The following GALNT9 variants were observed in gnomAD, a reference collection of about 807,000 sequenced individuals.
GALNT9 encodes GalNAc transferase 9.
In GALNT9, 47 loss-of-function variants were observed where a neutral mutation model predicts 63.1. The observed-to-expected ratio is 0.75, with a 90% CI of 0.59 to 0.95. The LOEUF is 0.95. GALNT9 is among the 40% of genes least tolerant of loss of function. The pLI, the probability that GALNT9 is intolerant of heterozygous loss-of-function variation, is 0.00. For missense variants in GALNT9, 829 were observed against 874.8 expected (o/e 0.95, Z 0.66); for synonymous variants, 396 against 365.7 (o/e 1.08, Z -0.94).
In GALNT9 at chr12:132,252,881, CA is replaced by C. The variant is rs1197193292; in HGVS notation, c.959+4807del. Among the ~76,000 whole-genome samples, 1,594 of 128,278 alleles carry C rather than the reference CA, an allele frequency of 0.012. 19 individuals are homozygous for C. Among genetic ancestry groups the C allele is most frequent in the African/African-American group, 0.037 (1,286 of 34,784 alleles). 84.2% of individuals were successfully genotyped at this position (128,278 alleles called of 152,430 possible). A position where few individuals can be genotyped will look rare whatever the true frequency, so the allele number is the denominator to read the frequency against. ...CTGGGCAACAACAGCGAAACTGCCT[CA>C]AAAAAAAAAAAAGACACGGAGACCA... is the stretch of plus-strand genomic sequence containing the variant. On this transcript the variant is annotated intron_variant, in intron 5 of 10. Transcript: ENST00000328957. The surrounding 1 kb of genome is among the most constrained non-coding windows in gnomAD (Gnocchi z 5.2).
chr12:132,207,237 C>G (rs1227412873), intron 6 of GALNT9, among the ~76,000 whole-genome samples: 7 of 152,210 alleles, frequency 4.6e-5, no homozygotes, highest in African/African-American at 1.7e-4. Context: ...CTCTGCCTGT[C>G]CCTCCCCATG....
chr12:132,305,136 C>A (rs1555244497), intron 1 of GALNT9, among the ~76,000 whole-genome samples: 1 of 72,762 alleles, frequency 1.4e-5, no homozygotes, highest in Non-Finnish European at 2.5e-5. Context: ...CGGGCACAGC[C>A]TCGCCCGGGC....
chr12:132,303,413 C>T (rs1431877933), intron 1 of GALNT9, among the ~76,000 whole-genome samples: 1 of 146,496 alleles, frequency 6.8e-6, no homozygotes, highest in Non-Finnish European at 1.5e-5. Context: ...ACACCCTCAC[C>T]CGGGCACAGC....
At chr12:132,262,795 T>C (rs917339876) in intron 2 of GALNT9, among the ~76,000 whole-genome samples, 170 bp from the exon 3 acceptor site, 5 of 150,720 alleles carry the variant, frequency 3.3e-5, no homozygotes, top group Non-Finnish European at 7.4e-5. Context: ...GGAGACACGG[T>C]TTGGGGTGTG....
intron 1 of GALNT9, among the ~76,000 whole-genome samples, chr12:132,302,442 A>G (rs1436176392): frequency 6.6e-6 from 1 of 152,230 alleles, no homozygotes; most frequent in Non-Finnish European, 1.5e-5. Flanking sequence ...GTCACTAAAA[A>G]TTCTTCATAA....
chr12:132,324,844 G>A (rs563472390), intron 1 of GALNT9, among the ~76,000 whole-genome samples: 13 of 152,302 alleles, frequency 8.5e-5, no homozygotes, highest in African/African-American at 3.1e-4. Flanking sequence ...TAAAGGTCTG[G>A]GACCCCACTG....
In GALNT9 at chr12:132,317,435, G is replaced by A. The variant is rs140001369; in HGVS notation, c.238+11531C>T. On this transcript the variant is annotated intron_variant, in intron 1 of 10. Transcript: ENST00000328957. ...CAGGCCTTGGACTTGCCACTCTTCC[G>A]TCCACACTGGCTCCCTAGCGTGGGG... 3.3e-3 allele frequency among the ~76,000 whole-genome samples: 505 copies of A among 152,270 alleles called. 1 individual carries two copies. The highest frequency in any genetic ancestry group is 0.011 in the African/African-American group (453 of 41,556).
chr12:132,208,080 C>T (rs1297568426), intron 6 of GALNT9, among the ~76,000 whole-genome samples: 2 of 152,208 alleles, frequency 1.3e-5, no homozygotes, highest in African/African-American at 2.4e-5. Flanking sequence ...GAGATTGATG[C>T]TTATGCAGAG....
intron 5 of GALNT9, among the ~76,000 whole-genome samples, chr12:132,255,847 C>T (rs1273886101): frequency 1.3e-5 from 2 of 152,140 alleles, no homozygotes; most frequent in Admixed American, 1.3e-4. Flanking sequence ...GACCCACATG[C>T]GCCTTTGCGA....
chr12:132,217,458 G>A (rs1877252885), intron 6 of GALNT9, among the ~76,000 whole-genome samples: 1 of 126,342 alleles, frequency 7.9e-6, no homozygotes, highest in East Asian at 2.4e-4. Flanking sequence ...ATCCATCCCT[G>A]CATCCAGCCA....
rs1880374495 is a variant in GALNT9 at position 132,282,101 on chromosome 12, C to T, written c.419+4149G>A. Among the ~76,000 whole-genome samples the T allele has an allele frequency of 6.8e-6, 1 of 147,710 alleles. No individual in the cohort carries two copies. Among genetic ancestry groups the T allele is most frequent in the African/African-American group, 2.5e-5 (1 of 39,326 alleles). On this transcript the variant is annotated intron_variant, in intron 2 of 10. Transcript: ENST00000328957. This position sits in a 1 kb window ranked among gnomAD's most constrained non-coding sequence, Gnocchi z 4.5. ...GTCCCTGATCCCACAGAGGAGGAAT[C>T]AGCTCCACTACAGCAAGGCCAGGCC...
In GALNT9 at chr12:132,296,518, T is replaced by C. The variant is rs1047018144; in HGVS notation, c.239-10088A>G. 6.6e-6 allele frequency among the ~76,000 whole-genome samples: 1 copy of C among 152,240 alleles called. No individual in the cohort carries two copies. The highest frequency in any genetic ancestry group is 2.4e-5 in the African/African-American group (1 of 41,468). On this transcript the variant is annotated intron_variant, in intron 1 of 10. Transcript: ENST00000328957. This position sits in a 1 kb window ranked among gnomAD's most constrained non-coding sequence, Gnocchi z 4.2. ...ACACTGCAAGCTTGTCATCTTATCC[T>C]TGAATAAGATGTAATTTTGAGAATA...
At chr12:132,326,315 A>G (rs192869739) in intron 1 of GALNT9, among the ~76,000 whole-genome samples, 3 of 152,368 alleles carry the variant, frequency 2.0e-5, no homozygotes, top group Admixed American at 6.5e-5. Flanking sequence ...GTTTTTGTGT[A>G]TAAACATTTT....
chr12:132,303,016 G>A lies in GALNT9; in HGVS notation c.239-16586C>T, dbSNP rs115204170. Among the ~76,000 whole-genome samples, 262 of 152,200 alleles carry A rather than the reference G, an allele frequency of 1.7e-3. 1 individual carries two copies. Among genetic ancestry groups the A allele is most frequent in the African/African-American group, 5.2e-3 (217 of 41,520 alleles). ...GGGCCTGTGCAGAGTCTGATGCTCC[G>A]ATCAGCCCTGGGGTGAGACGGTGTG... On this transcript the variant is annotated intron_variant, in intron 1 of 10. Coordinates refer to ENST00000328957, the MANE Select transcript of GALNT9 (RefSeq NM_001122636.2).
chr12:132,269,231 G>A (rs376534490), intron 2 of GALNT9, among the ~76,000 whole-genome samples: 3 of 152,238 alleles, frequency 2.0e-5, no homozygotes, highest in African/African-American at 4.8e-5. Context: ...GCCCGACTGC[G>A]GCCAAGGAAG....
chr12:132,214,627 C>A lies in GALNT9; in HGVS notation c.1078-10937G>T, dbSNP rs118002979. Among the ~76,000 whole-genome samples the A allele has an allele frequency of 4.8e-3, 732 of 152,374 alleles. 2 individuals carry two copies. The highest frequency in any genetic ancestry group is 7.8e-3 in the Non-Finnish European group (529 of 68,046). ...AGCCAGGCCCCCCAGGCCTGCTCAC[C>A]CGGCCTTGCCCATTCCTGGCCACAT... On this transcript the variant is annotated intron_variant, in intron 6 of 10. Coordinates refer to ENST00000328957, the MANE Select transcript of GALNT9 (RefSeq NM_001122636.2).
chr12:132,267,807 A>ACACACATGCACT (rs1329643275), intron 2 of GALNT9, among the ~76,000 whole-genome samples: 1 of 151,066 alleles, frequency 6.6e-6, no homozygotes, highest in East Asian at 1.9e-4. Context: ...ACACGCACTC[A>ACACACATGCACT]CACACGCACT....
rs1159791123 is a variant in GALNT9, at chr12:132,238,754, C to T, written c.1077+9156G>A. ...CAGGAGAATGACAGCCTGATTCCTC[C>T]GCCCCCTCATCTGCAGGCCACCCGC... On this transcript the variant is annotated intron_variant, in intron 6 of 10. Coordinates refer to ENST00000328957, the MANE Select transcript of GALNT9 (RefSeq NM_001122636.2). The surrounding 1 kb of genome is among the most constrained non-coding windows in gnomAD (Gnocchi z 6.5). Among the ~76,000 whole-genome samples, 2 of 152,184 alleles carry T rather than the reference C, an allele frequency of 1.3e-5. No homozygotes were observed. Among genetic ancestry groups the T allele is most frequent in the Non-Finnish European group, 2.9e-5 (2 of 68,020 alleles).
At chr12:132,260,353 G>T (rs1011535411) in intron 4 of GALNT9, among the ~76,000 whole-genome samples, 1 of 152,196 alleles carries the variant, frequency 6.6e-6, no homozygotes, top group Non-Finnish European at 1.5e-5. Context: ...GAACGGTGAG[G>T]AGGTGAAGTC....
Sources: gnomAD v4.1 joint callset for allele counts (sites outside exome capture counted in the v4.1 genomes callset) on GRCh38, gnomAD v4.1.1 for gene constraint, Gnocchi (gnomAD v3.1) non-coding constraint, MANE v1.5 for transcripts, NCBI Gene and HGNC (gene_info 2026-07-23, HGNC 2026-07-21) for gene names.